Variants in TTC7A observed in about 807,000 individuals in gnomAD.
TTC7A encodes tetratricopeptide repeat protein 7A.
TTC7A carries 110 observed loss-of-function variants against 103.7 expected under a neutral mutation model. That is an observed-to-expected ratio of 1.06 (90% confidence interval 0.91 to 1.24). TTC7A has a LOEUF of 1.24. TTC7A is among the 50% of genes most tolerant of loss of function. TTC7A has a pLI of 0.00. For missense variants in TTC7A, 1,340 were observed against 1,116.3 expected (o/e 1.20, Z -2.86); for synonymous variants, 521 against 467.9 (o/e 1.11, Z -1.47).
intron 3 of TTC7A, among the ~76,000 whole-genome samples, chr2:46,961,148 CA>C (rs1335680414): frequency 1.3e-5 from 2 of 152,184 alleles, no homozygotes; most frequent in African/African-American, 4.8e-5. Context: ...CATGTCAGAT[CA>C]GGGGAAGACC....
rs201028512 is a variant in TTC7A at position 47,006,023 on chromosome 2, G to A, written c.1167G>A (p.Thr389=). Residue 389 remains threonine, a synonymous_variant, in exon 9 of 20, where the codon ACG becomes ACA. Transcript: ENST00000319190. ...AAAIYDLLSI[T]LGRRGQYVML... is the part of the protein sequence containing the mutation. ...CCATCTATGACCTCCTGAGCATCAC[G>A]TTGGGCAGAAGGGGACAGTACGTCA... 1.4e-5 allele frequency: 22 copies of A among 1,613,840 alleles called. No homozygotes were observed. The highest frequency in any genetic ancestry group is 1.6e-4 in the Middle Eastern group (1 of 6,084).
intron 15 of TTC7A, among the ~76,000 whole-genome samples, chr2:47,038,101 A>T (rs938959230): frequency 2.1e-4 from 31 of 151,104 alleles, no homozygotes; most frequent in African/African-American, 5.6e-4. Flanking sequence ...AAATAAATTT[A>T]AAAAAAAATA....
chr2:47,048,787 G>C (rs1254852662), intron 16 of TTC7A, among the ~76,000 whole-genome samples: 3 of 152,090 alleles, frequency 2.0e-5, no homozygotes, highest in South Asian at 2.1e-4. Context: ...ATTTTTTGTA[G>C]AGATGGGGTC....
chr2:47,024,639 C>T lies in TTC7A; in HGVS notation c.1641+280C>T, dbSNP rs72806602. ...GGACTGAGATGTTGATGAGTGACCA[C>T]CTGTCACTCATTTATTTGTGTCCTC... On this transcript the variant is annotated intron_variant, in intron 14 of 19. Coordinates refer to ENST00000319190, the MANE Select transcript of TTC7A (RefSeq NM_020458.4). Among the ~76,000 whole-genome samples, 25,189 of 152,006 alleles carry T rather than the reference C, an allele frequency of 0.17. 2,184 individuals are homozygous for T. Among genetic ancestry groups the T allele is most frequent in the African/African-American group, 0.22 (9,114 of 41,444 alleles).
At chr2:47,031,266 T>C (rs1409192438) in intron 15 of TTC7A, among the ~76,000 whole-genome samples, 2 of 152,234 alleles carry the variant, frequency 1.3e-5, no homozygotes, top group Admixed American at 1.3e-4. Context: ...TGCCTTGTCT[T>C]GTTAATCCCA....
intron 19 of TTC7A, among the ~76,000 whole-genome samples, chr2:47,065,489 C>T (rs914283102): frequency 6.6e-6 from 1 of 152,196 alleles, no homozygotes; most frequent in Admixed American, 6.5e-5. Flanking sequence ...TTCCTTTGTG[C>T]CATCTCCAGG....
At chr2:46,921,835 C>T (rs930463848) in intron 2 of TTC7A, among the ~76,000 whole-genome samples, 1 of 152,146 alleles carries the variant, frequency 6.6e-6, no homozygotes, top group Non-Finnish European at 1.5e-5. Flanking sequence ...GTAGGGTTCG[C>T]GTTCCTGTGA....
chr2:46,972,879 G>C (rs1285943431), intron 3 of TTC7A, among the ~76,000 whole-genome samples: 1 of 152,204 alleles, frequency 6.6e-6, no homozygotes, highest in East Asian at 1.9e-4. Flanking sequence ...AGAGAGAAGA[G>C]CTGGCCGGAG....
intron 4 of TTC7A, among the ~76,000 whole-genome samples, chr2:46,975,553 GTT>G (rs1673795394): frequency 6.6e-6 from 1 of 151,868 alleles, no homozygotes. Context: ...GGCTCTGGCA[GTT>G]TTCAGATCCC....
intron 3 of TTC7A, among the ~76,000 whole-genome samples, chr2:46,964,009 G>A (rs1253529134): frequency 6.6e-6 from 1 of 152,188 alleles, no homozygotes; most frequent in African/African-American, 2.4e-5. Flanking sequence ...TATGAAAGTA[G>A]GTAAAAGGCA....
chr2:47,027,427 G>A (rs10084454), intron 14 of TTC7A, among the ~76,000 whole-genome samples: 2,217 of 152,362 alleles, frequency 0.015, 64 homozygotes, highest in African/African-American at 0.051. Context: ...ACCTGGGAGC[G>A]CCTGCTCTGC....
intron 5 of TTC7A, among the ~76,000 whole-genome samples, chr2:46,990,875 T>G (rs756279718): frequency 1.3e-5 from 2 of 152,140 alleles, no homozygotes; most frequent in South Asian, 4.1e-4. Flanking sequence ...CCTGGTGATC[T>G]GATAAAGCCC....
At chr2:47,066,547 G>A (rs908892488) in intron 19 of TTC7A, among the ~76,000 whole-genome samples, 3 of 152,132 alleles carry the variant, frequency 2.0e-5, no homozygotes, top group Non-Finnish European at 4.4e-5. Flanking sequence ...TCCGCCTGCT[G>A]GCTGGCCCTC....
chr2:47,045,358 A>G (rs527455451), intron 15 of TTC7A, among the ~76,000 whole-genome samples: 45 of 152,296 alleles, frequency 3.0e-4, no homozygotes, highest in Non-Finnish European at 5.9e-4. Context: ...TTGATGAGCA[A>G]GTGTCATGAC....
intron 5 of TTC7A, among the ~76,000 whole-genome samples, chr2:46,990,090 G>A (rs1232404551): frequency 2.0e-5 from 3 of 152,198 alleles, no homozygotes; most frequent in Non-Finnish European, 2.9e-5. Context: ...AGGCAGCCCC[G>A]GGGTCCAGCC....
At position 47,051,886 on chromosome 2, in the gene TTC7A, T is replaced by C; in HGVS notation, c.2152+6T>C. 6.2e-7 allele frequency: 1 copy of C among 1,604,952 alleles called. No homozygotes were observed. The highest frequency in any genetic ancestry group is 1.1e-5 in the South Asian group (1 of 90,142). On this transcript the variant is annotated splice_donor_region_variant and intron_variant, in intron 18 of 19. Transcript: ENST00000319190. ...ACAGATCTGGCTGCAGGCTGGTGAG[T>C]GCCCTGGTCCCAGTGACACACACAG...
intron 3 of TTC7A, among the ~76,000 whole-genome samples, chr2:46,957,952 A>C (rs190713299): frequency 1.3e-5 from 2 of 152,216 alleles, no homozygotes; most frequent in East Asian, 1.9e-4. Context: ...CATTCTCACT[A>C]TCTTGTGGGG....
rs532873753 is a variant in TTC7A, at chr2:47,021,782, G to A, written c.1393-80G>A. Reference sequence around the variant, plus strand: ...ACCTTGAGCACAAGGCTTCTGTTTCGGGAACAGGTCCAGGGAGTCATTCAC... The same window carrying A: ...ACCTTGAGCACAAGGCTTCTGTTTCAGGAACAGGTCCAGGGAGTCATTCAC... On this transcript the variant is annotated intron_variant, in intron 11 of 19. Coordinates refer to ENST00000319190, the MANE Select transcript of TTC7A (RefSeq NM_020458.4). 27 of 1,104,202 alleles carry A rather than the reference G, an allele frequency of 2.4e-5. 1 individual carries two copies. Among genetic ancestry groups the A allele is most frequent in the African/African-American group, 1.4e-4 (9 of 65,146 alleles). 68.4% of individuals were successfully genotyped at this position (1,104,202 alleles called of 1,614,324 possible). A position where few individuals can be genotyped will look rare whatever the true frequency, so the allele number is the denominator to read the frequency against.
At chr2:47,059,517 C>T (rs1322928246) in intron 18 of TTC7A, among the ~76,000 whole-genome samples, 4 of 152,112 alleles carry the variant, frequency 2.6e-5, no homozygotes, top group Non-Finnish European at 5.9e-5. Context: ...CTCCCTCATC[C>T]TCCCACCCCA....
Sources: allele counts gnomAD v4.1 joint callset (sites outside exome capture counted in the v4.1 genomes callset), GRCh38; gene constraint gnomAD v4.1.1; transcripts MANE v1.5; gene names NCBI Gene and HGNC (gene_info 2026-07-23, HGNC 2026-07-21).